The following EPB41 variants were observed in gnomAD, a reference collection of about 807,000 sequenced individuals.
EPB41 encodes erythrocyte membrane protein band 4.1, also known as protein 4.1.
In EPB41, 65 loss-of-function variants were observed where a neutral mutation model predicts 108.0. That is an observed-to-expected ratio of 0.60 (90% CI 0.49 to 0.74). The LOEUF is 0.74. EPB41 is among the 30% of genes least tolerant of loss of function. EPB41 has a pLI of 0.00. For synonymous variants in EPB41, 336 were observed against 358.9 expected, an observed-to-expected ratio of 0.94 and a Z score of 0.72; for missense variants, 875 against 1,037.0, an observed-to-expected ratio of 0.84 and a Z score of 2.15.
chr1:29,068,997 T>C (rs1397156281), intron 16 of EPB41, among the ~76,000 whole-genome samples: 1 of 152,236 alleles, frequency 6.6e-6, no homozygotes, highest in East Asian at 1.9e-4. Flanking sequence ...TTTCGGCGCA[T>C]GGCTGGTTGA....
At chr1:29,026,893 A>G (rs1318522825) in intron 7 of EPB41, among the ~76,000 whole-genome samples, 1 of 152,048 alleles carries the variant, frequency 6.6e-6, no homozygotes. Context: ...GGAGTTTGAG[A>G]TCAGCCTGGC....
chr1:28,904,489 C>T (rs2091598484), intron 1 of EPB41, among the ~76,000 whole-genome samples: 1 of 152,154 alleles, frequency 6.6e-6, no homozygotes, highest in Non-Finnish European at 1.5e-5. Context: ...TATATTGAAG[C>T]TCTAACCTCT....
At chr1:29,090,555 A>G (rs1387809032) in intron 16 of EPB41, among the ~76,000 whole-genome samples, 1 of 152,108 alleles carries the variant, frequency 6.6e-6, no homozygotes, top group African/African-American at 2.4e-5. Flanking sequence ...GGTCAAGACC[A>G]GCCTGACCAA....
At chr1:29,089,258 G>A (rs1660358597) in intron 16 of EPB41, among the ~76,000 whole-genome samples, 1 of 152,160 alleles carries the variant, frequency 6.6e-6, no homozygotes, top group African/African-American at 2.4e-5. Context: ...CTATGAGTCT[G>A]GTCAAATGAG....
At position 29,058,846 on chromosome 1, in the gene EPB41, G is replaced by A. The variant is rs781142017; in HGVS notation, c.1938G>A (p.Met646Ile). ...AAAAAACTGAAGATCTGATAAGAAT[G>A]AGGAAGGTTAGCCATTTTTCACTTT... ...LAEKTEDLIR[M>I]RKKKRERLDG... Residue 646 changes from methionine (M) to isoleucine (I), a missense_variant, in exon 14 of 21, where the codon ATG (methionine) becomes ATA (isoleucine). Coordinates refer to ENST00000343067, the MANE Select transcript of EPB41 (RefSeq NM_001376013.1). 3.1e-5 allele frequency: 48 copies of A among 1,551,190 alleles called. No homozygotes were observed. In the South Asian group the frequency reaches 5.7e-4, roughly 18 times the overall value.
intron 16 of EPB41, chr1:29,070,624 CAG>C: frequency 8.1e-7 from 1 of 1,232,102 alleles, no homozygotes. Context: ...GATCAGAAAA[CAG>C]GGTGCTCATC....
At chr1:29,086,180 A>T (rs529278439) in intron 16 of EPB41, among the ~76,000 whole-genome samples, 1 of 152,178 alleles carries the variant, frequency 6.6e-6, no homozygotes, top group Admixed American at 6.5e-5. Flanking sequence ...TTGTTTTAGA[A>T]AGGTTAGGAA....
intron 17 of EPB41, among the ~76,000 whole-genome samples, 183 bp downstream of exon 17, chr1:29,098,118 A>C (rs145025201): frequency 3.9e-5 from 6 of 152,332 alleles, no homozygotes; most frequent in Non-Finnish European, 7.3e-5. Context: ...AATTGAGCAG[A>C]GCACACTGGT....
chr1:28,950,767 A>G (rs1184346503), intron 1 of EPB41, among the ~76,000 whole-genome samples: 2 of 151,970 alleles, frequency 1.3e-5, no homozygotes, highest in Non-Finnish European at 2.9e-5. Flanking sequence ...CACATTTCCT[A>G]CCTCTCTTTA....
chr1:29,092,381 C>T (rs570055756), intron 16 of EPB41, among the ~76,000 whole-genome samples: 7 of 151,832 alleles, frequency 4.6e-5, no homozygotes, highest in South Asian at 2.1e-4. Context: ...CGTGAGCCAC[C>T]GTGCCTGGCC....
At chr1:28,894,457 G>T (rs760590) in intron 1 of EPB41, among the ~76,000 whole-genome samples, 6 of 152,098 alleles carry the variant, frequency 3.9e-5, no homozygotes, top group Non-Finnish European at 8.8e-5. Context: ...TGGGGATCAG[G>T]GCTCTGGTAA....
intron 1 of EPB41, among the ~76,000 whole-genome samples, chr1:28,947,159 T>C (rs1571169513): frequency 1.3e-5 from 2 of 152,310 alleles, no homozygotes; most frequent in South Asian, 2.1e-4. Context: ...GGCTCACGCC[T>C]GTAATCCCAG....
At chr1:29,102,202 T>C (rs1665659226) in intron 17 of EPB41, among the ~76,000 whole-genome samples, 1 of 152,176 alleles carries the variant, frequency 6.6e-6, no homozygotes, top group African/African-American at 2.4e-5. Context: ...TGTCCATCAG[T>C]GGAGAGCTGG....
chr1:29,079,277 A>G (rs1655399103), intron 16 of EPB41, among the ~76,000 whole-genome samples: 1 of 151,978 alleles, frequency 6.6e-6, no homozygotes, highest in Admixed American at 6.6e-5. Context: ...GATTACAGGC[A>G]TGAGCCCCCT....
In EPB41 at chr1:29,117,840, C is replaced by CT. The variant is rs1430958301; in HGVS notation, c.*1034dup. ...GAATGTGGCTCAGAGAAGGGTTTTTCTTTTTTGACCTTTCTTCTCTCAACA... is the reference window on the plus strand; with the variant it reads ...GAATGTGGCTCAGAGAAGGGTTTTTCTTTTTTTGACCTTTCTTCTCTCAACA... On this transcript the variant is annotated 3_prime_UTR_variant, in exon 21 of 21. Coordinates refer to ENST00000343067, the MANE Select transcript of EPB41 (RefSeq NM_001376013.1). 1 of 152,518 alleles carries CT rather than the reference C, an allele frequency of 6.6e-6. No individual in the cohort carries two copies. The highest frequency in any genetic ancestry group is 1.5e-5 in the Non-Finnish European group (1 of 68,030). The allele number at this position is 152,518 out of a possible 1,614,324, so 9.4% of individuals were successfully genotyped here. A position where few individuals can be genotyped will look rare whatever the true frequency, so the allele number is the denominator to read the frequency against.
intron 19 of EPB41, among the ~76,000 whole-genome samples, chr1:29,113,383 G>T (rs1389183720): frequency 6.6e-6 from 1 of 152,254 alleles, no homozygotes; most frequent in African/African-American, 2.4e-5. Flanking sequence ...AGTGCTGGCA[G>T]TTCCCTTGGA....
chr1:28,972,300 A>G (rs2149320167), intron 1 of EPB41, among the ~76,000 whole-genome samples: 1 of 152,314 alleles, frequency 6.6e-6, no homozygotes, highest in East Asian at 1.9e-4. Context: ...CATTGTCCTC[A>G]TTGATGCTCA....
intron 16 of EPB41, among the ~76,000 whole-genome samples, chr1:29,068,533 C>T (rs773493262): frequency 3.9e-5 from 6 of 152,206 alleles, no homozygotes; most frequent in Admixed American, 1.3e-4. Flanking sequence ...GCTATTACCC[C>T]TGTAAATGAA....
At chr1:29,019,126 G>T (rs2096611779) in intron 7 of EPB41, among the ~76,000 whole-genome samples, 1 of 152,098 alleles carries the variant, frequency 6.6e-6, no homozygotes, top group Non-Finnish European at 1.5e-5. Flanking sequence ...TTTAGAAAAG[G>T]TATTGTGGGC....
Sources: gnomAD v4.1 joint callset for allele counts (sites outside exome capture counted in the v4.1 genomes callset) on GRCh38, gnomAD v4.1.1 for gene constraint, MANE v1.5 for transcripts, NCBI Gene and HGNC (gene_info 2026-07-23, HGNC 2026-07-21) for gene names.